MEF2A: variants seen among roughly 807,000 people sequenced by gnomAD.
MEF2A encodes myocyte enhancer factor 2A, also known as myocyte-specific enhancer factor 2A.
In MEF2A, 28 loss-of-function variants were observed where a neutral mutation model predicts 55.8. That is an observed-to-expected ratio of 0.50 (90% confidence interval 0.37 to 0.69). MEF2A has a LOEUF of 0.69. Among genes scored for constraint, MEF2A ranks in the 30% least tolerant of loss-of-function variants. The pLI, the probability that MEF2A is intolerant of heterozygous loss-of-function variation, is 0.00. For synonymous variants in MEF2A, 239 were observed against 227.1 expected (o/e 1.05, Z -0.47); for missense variants, 528 against 626.2 (o/e 0.84, Z 1.67).
At chr15:99,670,874 A>G (rs2050742679) in intron 4 of MEF2A, among the ~76,000 whole-genome samples, 1 of 152,248 alleles carries the variant, frequency 6.6e-6, no homozygotes. Context: ...GAGTAGGATA[A>G]AAACTCCGAT....
chr15:99,626,662 T>A (rs1041597962), intron 2 of MEF2A, among the ~76,000 whole-genome samples: 1 of 152,188 alleles, frequency 6.6e-6, no homozygotes, highest in African/African-American at 2.4e-5. Flanking sequence ...CTTATCAATT[T>A]CCACATACAA....
At chr15:99,584,884 C>T (rs1966846567) in intron 1 of MEF2A, among the ~76,000 whole-genome samples, 2 of 151,010 alleles carry the variant, frequency 1.3e-5, no homozygotes, top group African/African-American at 2.5e-5. Context: ...TTTATTTTTT[C>T]AGAAAAGAAC....
At chr15:99,590,893 C>T (rs751282877) in intron 1 of MEF2A, among the ~76,000 whole-genome samples, 1 of 152,100 alleles carries the variant, frequency 6.6e-6, no homozygotes, top group Admixed American at 6.5e-5. Flanking sequence ...TAATTTGTCA[C>T]GTTTACCATT....
At chr15:99,569,938 A>T (rs190111688) in intron 1 of MEF2A, among the ~76,000 whole-genome samples, 13 of 151,934 alleles carry the variant, frequency 8.6e-5, no homozygotes, top group African/African-American at 3.1e-4. Flanking sequence ...TCCATTTGTT[A>T]ATTAGTAAAT....
At chr15:99,630,616 C>T (rs967932848) in intron 2 of MEF2A, among the ~76,000 whole-genome samples, 2 of 152,060 alleles carry the variant, frequency 1.3e-5, no homozygotes, top group African/African-American at 2.4e-5. Context: ...TTATATGAAA[C>T]GTGAAAAAAT....
intron 11 of MEF2A, 87 bp downstream of exon 11, chr15:99,710,847 G>A (rs1597343139): frequency 1.4e-6 from 2 of 1,454,844 alleles, no homozygotes; most frequent in East Asian, 2.4e-5. Context: ...GCTCTGTTGA[G>A]TTTCGTGTGA....
chr15:99,684,220 C>T (rs981336778), intron 7 of MEF2A, among the ~76,000 whole-genome samples: 1 of 152,078 alleles, frequency 6.6e-6, no homozygotes, highest in African/African-American at 2.4e-5. Flanking sequence ...ACTTCTTTTC[C>T]TCTGACCCAG....
At chr15:99,708,427 T>C (rs1204959980) in intron 10 of MEF2A, among the ~76,000 whole-genome samples, 5 of 152,238 alleles carry the variant, frequency 3.3e-5, no homozygotes, top group Non-Finnish European at 5.9e-5. Flanking sequence ...AGAAATGCCA[T>C]TGAATTGGGA....
chr15:99,703,501 T>C, intron 9 of MEF2A, 116 bp downstream of exon 9: 1 of 951,740 alleles, frequency 1.1e-6, no homozygotes, highest in Non-Finnish European at 1.5e-6. Context: ...TTAAACACTA[T>C]TCAAACACTT....
intron 11 of MEF2A, 104 bp downstream of exon 11, chr15:99,710,864 C>T (rs1402465990): frequency 7.7e-7 from 1 of 1,291,464 alleles, no homozygotes; most frequent in East Asian, 2.5e-5. Context: ...GTGAGGAATC[C>T]TGTAATGATT....
intron 2 of MEF2A, among the ~76,000 whole-genome samples, chr15:99,616,331 T>G (rs910885319): frequency 6.6e-6 from 1 of 152,134 alleles, no homozygotes; most frequent in Non-Finnish European, 1.5e-5. Context: ...ATGACTGGGT[T>G]TTTTTTGTCA....
At chr15:99,610,944 A>G (rs1049825164) in intron 2 of MEF2A, among the ~76,000 whole-genome samples, 2 of 152,248 alleles carry the variant, frequency 1.3e-5, no homozygotes, top group Non-Finnish European at 2.9e-5. Context: ...TTCTAGGGAC[A>G]CTATCAAGGA....
Position 99,714,454 on chromosome 15 carries a change from C to CGTTA in MEF2A, c.*1684_*1687dup, listed in dbSNP as rs1256837459. The CGTTA allele has an allele frequency of 6.6e-6, 1 of 152,176 alleles. No homozygotes were observed. The highest frequency in any genetic ancestry group is 2.4e-5 in the African/African-American group (1 of 41,418). The allele number at this position is 152,176 out of a possible 1,614,324, so 9.4% of individuals were successfully genotyped here. A position where few individuals can be genotyped will look rare whatever the true frequency, so the allele number is the denominator to read the frequency against. On this transcript the variant is annotated 3_prime_UTR_variant, in exon 12 of 12. Transcript: ENST00000557942. ...GATGCAGCTGGTTACAAAATCCTAC[C>CGTTA]GTTATCAGCTCTTCTGCACATTGCA...
chr15:99,666,378 G>T (rs2049707068), intron 4 of MEF2A, among the ~76,000 whole-genome samples: 1 of 151,986 alleles, frequency 6.6e-6, no homozygotes, highest in Non-Finnish European at 1.5e-5. Flanking sequence ...TCATAAGTGG[G>T]AGTTGAACAA....
At chr15:99,619,808 A>G (rs550079926) in intron 2 of MEF2A, among the ~76,000 whole-genome samples, 17 of 152,356 alleles carry the variant, frequency 1.1e-4, no homozygotes, top group Admixed American at 3.3e-4. Flanking sequence ...ACTTTTACTT[A>G]GAAATTGTCA....
intron 5 of MEF2A, among the ~76,000 whole-genome samples, chr15:99,672,820 A>G (rs1306198685): frequency 1.3e-5 from 2 of 152,170 alleles, no homozygotes; most frequent in Non-Finnish European, 2.9e-5. Flanking sequence ...GTTTTATACA[A>G]TATTTTTCAT....
chr15:99,666,803 T>G (rs945855501), intron 4 of MEF2A, among the ~76,000 whole-genome samples: 4 of 152,140 alleles, frequency 2.6e-5, no homozygotes, highest in Non-Finnish European at 5.9e-5. Flanking sequence ...TATGCCCTCC[T>G]CTCTTCCTCC....
At chr15:99,677,779 T>C (rs1221036046) in intron 7 of MEF2A, among the ~76,000 whole-genome samples, 1 of 151,788 alleles carries the variant, frequency 6.6e-6, no homozygotes, top group Non-Finnish European at 1.5e-5. Context: ...TAAACCTTTA[T>C]GAACAAAAGA....
chr15:99,631,741 A>G (rs1403454139), intron 2 of MEF2A, among the ~76,000 whole-genome samples: 1 of 152,070 alleles, frequency 6.6e-6, no homozygotes, highest in Admixed American at 6.5e-5. Flanking sequence ...ATAGGTTATC[A>G]GTTAATAGAT....
Sources: gnomAD v4.1 joint callset for allele counts (sites outside exome capture counted in the v4.1 genomes callset) on GRCh38, gnomAD v4.1.1 for gene constraint, MANE v1.5 for transcripts, NCBI Gene and HGNC (gene_info 2026-07-23, HGNC 2026-07-21) for gene names.